Variants in TTC23L observed in about 807,000 individuals in gnomAD.
TTC23L encodes tetratricopeptide repeat protein 23-like.
In TTC23L, 42 loss-of-function variants were observed where a neutral mutation model predicts 48.1. The ratio of observed to expected loss-of-function variants is 0.87; its 90% confidence interval spans 0.68 to 1.13. The LOEUF (loss-of-function observed/expected upper bound fraction) is 1.13. TTC23L is among the 50% of genes most tolerant of loss of function. TTC23L has a pLI of 0.00. For synonymous variants in TTC23L, 159 were observed against 157.2 expected (o/e 1.01, Z -0.09); for missense variants, 391 against 421.0 (o/e 0.93, Z 0.62).
intron 4 of TTC23L, among the ~76,000 whole-genome samples, chr5:34,853,771 T>C (rs1580431304): frequency 6.6e-6 from 1 of 152,084 alleles, no homozygotes; most frequent in South Asian, 2.1e-4. Flanking sequence ...GATTTGGCGG[T>C]TGGTAGGTCA....
At chr5:34,911,735 C>A in the TTC23L span, 2 of 1,614,132 alleles carry the variant, frequency 1.2e-6, no homozygotes, top group Middle Eastern at 1.6e-4. Context: ...CAGACTGTCA[C>A]CACTCCTCCT....
intron 9 of TTC23L, among the ~76,000 whole-genome samples, chr5:34,896,001 G>A (rs887373386): frequency 2.6e-5 from 4 of 152,224 alleles, no homozygotes; most frequent in African/African-American, 9.7e-5. Flanking sequence ...AGCACAATCT[G>A]CTCCACCAGA....
chr5:34,874,278 C>T (rs1038431898), intron 8 of TTC23L, among the ~76,000 whole-genome samples: 1 of 152,076 alleles, frequency 6.6e-6, no homozygotes, highest in African/African-American at 2.4e-5. Context: ...TTCATAGGCA[C>T]ATAAGGAAAG....
intron 10 of TTC23L, among the ~76,000 whole-genome samples, chr5:34,898,930 G>A (rs1330107848): frequency 6.6e-6 from 1 of 152,166 alleles, no homozygotes; most frequent in Non-Finnish European, 1.5e-5. Flanking sequence ...CTTCAGTAAT[G>A]GGAAATCAGA....
At chr5:34,847,919 A>G (rs1759349289) in intron 3 of TTC23L, among the ~76,000 whole-genome samples, 2 of 152,210 alleles carry the variant, frequency 1.3e-5, no homozygotes, top group African/African-American at 2.4e-5. Flanking sequence ...GCTGTATCTT[A>G]TCTAACATTA....
chr5:34,891,324 C>A (rs1762854439), intron 9 of TTC23L, among the ~76,000 whole-genome samples: 1 of 152,200 alleles, frequency 6.6e-6, no homozygotes. Flanking sequence ...GGGCAAATGA[C>A]TTAACCTCCT....
chr5:34,881,075 G>C (rs190745715), intron 9 of TTC23L, among the ~76,000 whole-genome samples: 2 of 152,230 alleles, frequency 1.3e-5, no homozygotes. Flanking sequence ...AATAAAACTA[G>C]GAATAATACA....
At chr5:34,886,377 A>AAAC (rs1165496635) in intron 9 of TTC23L, among the ~76,000 whole-genome samples, 4 of 151,590 alleles carry the variant, frequency 2.6e-5, no homozygotes, top group Non-Finnish European at 1.5e-5. Context: ...AAAAAAAAAA[A>AAAC]AAAAAACGTT....
the TTC23L span, chr5:34,914,544 TAA>T: frequency 9.4e-6 from 7 of 747,192 alleles, no homozygotes; most frequent in African/African-American, 8.9e-5. Flanking sequence ...TTCTCTAACT[TAA>T]GACTATTATT....
intron 10 of TTC23L, among the ~76,000 whole-genome samples, chr5:34,897,686 T>C (rs1763319136): frequency 6.6e-6 from 1 of 152,190 alleles, no homozygotes; most frequent in Admixed American, 6.6e-5. Context: ...AAATGATCAG[T>C]GATTTAAATT....
At chr5:34,895,664 T>C (rs1323781205) in intron 9 of TTC23L, among the ~76,000 whole-genome samples, 1 of 152,128 alleles carries the variant, frequency 6.6e-6, no homozygotes, top group Non-Finnish European at 1.5e-5. Context: ...GTCCTCTTGG[T>C]CATATGAACA....
chr5:34,920,724 G>T, the TTC23L span: 1 of 152,098 alleles, frequency 6.6e-6, no homozygotes, highest in Non-Finnish European at 1.5e-5. Flanking sequence ...GGAGAAATAT[G>T]GTAAAAGACC....
At chr5:34,917,007 G>A in the TTC23L span, among the ~76,000 whole-genome samples, 134,308 of 152,186 alleles carry the variant, frequency 0.88, 60,687 homozygotes, top group Non-Finnish European at 0.98. Flanking sequence ...TTCTATGGAA[G>A]TGCAGGAGAT....
Position 34,896,466 on chromosome 5 carries a change from C to T in TTC23L, c.1078-304C>T, listed in dbSNP as rs148249038. Among the ~76,000 whole-genome samples the T allele has an allele frequency of 3.3e-3, 496 of 152,246 alleles. 3 individuals are homozygous for T. Among genetic ancestry groups the T allele is most frequent in the East Asian group, 0.017 (87 of 5,184 alleles). ...TTGTGTGTGAATCCCAAAAACCATGCGACCTTAAGTCACTTAAACATTGAG... is the reference window on the plus strand; with the variant it reads ...TTGTGTGTGAATCCCAAAAACCATGTGACCTTAAGTCACTTAAACATTGAG... On this transcript the variant is annotated intron_variant, in intron 9 of 10. Transcript: ENST00000505624.
At chr5:34,843,910 T>G (rs1758899407) in intron 2 of TTC23L, among the ~76,000 whole-genome samples, 1 of 152,152 alleles carries the variant, frequency 6.6e-6, no homozygotes, top group Non-Finnish European at 1.5e-5. Flanking sequence ...CGTATTGGAG[T>G]TTACTTTGCC....
At chr5:34,908,858 T>C in the TTC23L span, 138 of 1,612,676 alleles carry the variant, frequency 8.6e-5, no homozygotes, top group Admixed American at 1.3e-4. Context: ...TATACTGTAA[T>C]GAAAGGAAGC....
chr5:34,904,474 G>A, the TTC23L span, among the ~76,000 whole-genome samples: 2 of 151,210 alleles, frequency 1.3e-5, no homozygotes, highest in African/African-American at 2.4e-5. Flanking sequence ...TGCACCTGTA[G>A]TCCCAACTAC....
chr5:34,906,431 G>A, the TTC23L span: 2 of 152,104 alleles, frequency 1.3e-5, no homozygotes, highest in Admixed American at 1.3e-4. Context: ...TTGAGCTCAG[G>A]AGTTCAAGAT....
intron 9 of TTC23L, among the ~76,000 whole-genome samples, 180 bp downstream of exon 9, chr5:34,880,488 A>G (rs959924582): frequency 2.0e-5 from 3 of 151,968 alleles, no homozygotes; most frequent in East Asian, 3.9e-4. Context: ...GATTGGTTTC[A>G]TTCTTTTGAT....
Sources: allele counts gnomAD v4.1 joint callset (sites outside exome capture counted in the v4.1 genomes callset), GRCh38; gene constraint gnomAD v4.1.1; transcripts MANE v1.5; gene names NCBI Gene and HGNC (gene_info 2026-07-23, HGNC 2026-07-21).